ERBIN: variants seen among roughly 807,000 people sequenced by gnomAD.
ERBIN encodes the protein erbb2 interacting protein.
ERBIN carries 60 observed loss-of-function variants against 158.4 expected under a neutral mutation model. The observed-to-expected ratio is 0.38, with a 90% CI of 0.31 to 0.47. ERBIN has a LOEUF of 0.47. Among genes scored for constraint, ERBIN ranks in the 20% least tolerant of loss-of-function variants. The pLI, the probability that ERBIN is intolerant of heterozygous loss-of-function variation, is 0.99. For synonymous variants in ERBIN, 594 were observed against 557.2 expected (o/e 1.07, Z -0.93); for missense variants, 1,610 against 1,648.0 (o/e 0.98, Z 0.40).
Position 66,080,870 on chromosome 5 carries a change from A to G in ERBIN, c.*2340A>G, listed in dbSNP as rs1762355520. ...ATTTTATAGTATTCTTGCAACACAT[A>G]AAGTTGCGTAAGAAACTTTACCAAG... is the stretch of plus-strand genomic sequence containing the variant. On this transcript the variant is annotated 3_prime_UTR_variant, in exon 26 of 26. Transcript: ENST00000284037. 1 of 152,046 alleles carries G rather than the reference A, an allele frequency of 6.6e-6. No homozygotes were observed. Among genetic ancestry groups the G allele is most frequent in the South Asian group, 2.1e-4 (1 of 4,834 alleles). 9.4% of individuals were successfully genotyped at this position (152,046 alleles called of 1,614,324 possible).
intron 21 of ERBIN, 90 bp downstream of exon 21, chr5:66,055,041 T>G: frequency 2.1e-6 from 3 of 1,437,682 alleles, no homozygotes; most frequent in Non-Finnish European, 2.7e-6. Flanking sequence ...AATTACTGAT[T>G]ATCTCTTTAT....
chr5:65,987,146 T>C (rs1430163003), intron 1 of ERBIN, among the ~76,000 whole-genome samples: 2 of 152,162 alleles, frequency 1.3e-5, no homozygotes, highest in Non-Finnish European at 2.9e-5. Context: ...TATAAGTCTT[T>C]GATTTTCACT....
intron 1 of ERBIN, among the ~76,000 whole-genome samples, chr5:65,957,281 G>A (rs1561293917): frequency 6.6e-6 from 1 of 151,506 alleles, no homozygotes; most frequent in Non-Finnish European, 1.5e-5. Context: ...GATTTGGCAG[G>A]GTCACAGGAC....
intron 6 of ERBIN, 122 bp downstream of exon 6, chr5:66,013,760 G>T: frequency 1.7e-6 from 1 of 595,448 alleles, no homozygotes; most frequent in Non-Finnish European, 2.9e-6. Flanking sequence ...TTATTCCCAA[G>T]CATTGTGACT....
intron 4 of ERBIN, among the ~76,000 whole-genome samples, chr5:65,998,041 A>C (rs1196941560): frequency 1.3e-5 from 2 of 151,914 alleles, no homozygotes; most frequent in Non-Finnish European, 2.9e-5. Flanking sequence ...CAGCCTGGCC[A>C]ACGTGGTGAA....
intron 21 of ERBIN, among the ~76,000 whole-genome samples, chr5:66,065,880 A>G (rs1035076870): frequency 2.0e-5 from 3 of 152,152 alleles, no homozygotes; most frequent in Non-Finnish European, 4.4e-5. Context: ...TTTAGGTTAT[A>G]TAATGTTAGA....
intron 1 of ERBIN, among the ~76,000 whole-genome samples, chr5:65,937,866 G>A (rs545115512): frequency 6.6e-6 from 1 of 152,262 alleles, no homozygotes; most frequent in African/African-American, 2.4e-5. Flanking sequence ...CCGAGATCGT[G>A]CCACTGCACC....
intron 1 of ERBIN, among the ~76,000 whole-genome samples, chr5:65,967,263 A>G (rs1748749791): frequency 6.6e-6 from 1 of 152,224 alleles, no homozygotes; most frequent in African/African-American, 2.4e-5. Flanking sequence ...ATAAATTTAC[A>G]TAGCCTAAGT....
At chr5:65,936,190 G>C (rs1157263733) in intron 1 of ERBIN, among the ~76,000 whole-genome samples, 1 of 152,146 alleles carries the variant, frequency 6.6e-6, no homozygotes, top group South Asian at 2.1e-4. Flanking sequence ...GGGTATGTTT[G>C]TAGTAGGACC....
intron 2 of ERBIN, among the ~76,000 whole-genome samples, chr5:65,990,755 T>TA (rs1198105470): frequency 1.2e-4 from 18 of 149,866 alleles, no homozygotes; most frequent in South Asian, 2.1e-4. Context: ...GTAAGTATAG[T>TA]AAAAAAAAAA....
intron 21 of ERBIN, among the ~76,000 whole-genome samples, chr5:66,059,002 A>G (rs1298445423): frequency 4.6e-5 from 7 of 151,792 alleles, no homozygotes; most frequent in African/African-American, 1.7e-4. Context: ...TTGGCTTAGG[A>G]TTGTCTTGGC....
rs748247261 is a variant in ERBIN, at chr5:66,050,922, C to T, written c.2043C>T (p.Cys681=). 1 of 1,605,908 alleles carries T rather than the reference C, an allele frequency of 6.2e-7. No individual in the cohort carries two copies. Among genetic ancestry groups the T allele is most frequent in the Non-Finnish European group, 8.5e-7 (1 of 1,177,812 alleles). The change falls in exon 20 of 26, where the codon TGC becomes TGT. Residue 681 remains cysteine, a synonymous_variant. Coordinates refer to ENST00000284037, the MANE Select transcript of ERBIN (RefSeq NM_001253697.2). The part of the protein sequence containing the change: ...NTDSSQDTSL[C]SPVKQTHIDI... ...ATAGTAGTCAAGACACCTCACTCTG[C>T]TCTCCAGTGAAACAAACTCATATTG...
chr5:65,971,142 G>A lies in ERBIN; in HGVS notation c.-57-17493G>A, dbSNP rs549002291. Among the ~76,000 whole-genome samples, 5 of 151,990 alleles carry A rather than the reference G, an allele frequency of 3.3e-5. No individual in the cohort carries two copies. In the South Asian group the frequency reaches 1.0e-3, roughly 32 times the overall value. On this transcript the variant is annotated intron_variant, in intron 1 of 25. Coordinates refer to ENST00000284037, the MANE Select transcript of ERBIN (RefSeq NM_001253697.2). ...CTTTTTGTGCCCAGGAAGTCTAGTC[G>A]TTTTGATGATAAATCTAAATTGGTT... is the stretch of plus-strand genomic sequence containing the variant.
Position 65,967,802 on chromosome 5 carries a change from T to C in ERBIN, c.-57-20833T>C, listed in dbSNP as rs115219202. ...GAAGAGTCATCAGTATTACCTATCA[T>C]GGGTCTGGGGCTCATCTTGGCTTAG... On this transcript the variant is annotated intron_variant, in intron 1 of 25. Transcript: ENST00000284037. Among the ~76,000 whole-genome samples the C allele has an allele frequency of 1.6e-3, 241 of 152,362 alleles. 1 individual carries two copies. Among genetic ancestry groups the C allele is most frequent in the African/African-American group, 5.6e-3 (232 of 41,588 alleles).
At chr5:65,940,480 C>A (rs1357768664) in intron 1 of ERBIN, among the ~76,000 whole-genome samples, 1 of 128,446 alleles carries the variant, frequency 7.8e-6, no homozygotes, top group Non-Finnish European at 1.7e-5. Flanking sequence ...GGTCAGTCCC[C>A]CCCCCCCCGG....
intron 4 of ERBIN, among the ~76,000 whole-genome samples, chr5:65,996,153 T>G (rs1752406385): frequency 6.6e-6 from 1 of 152,048 alleles, no homozygotes; most frequent in Non-Finnish European, 1.5e-5. Context: ...TGCCTGTGCT[T>G]TTGGGGTCAT....
In ERBIN at chr5:65,972,349, C is replaced by G. The variant is rs1274337253; in HGVS notation, c.-57-16286C>G. Reference sequence around the variant, plus strand: ...CGGTGTCCTTACACTCATTGAGAACCATTGATGTTACGCAAATGCTATTAA... The same window carrying G: ...CGGTGTCCTTACACTCATTGAGAACGATTGATGTTACGCAAATGCTATTAA... On this transcript the variant is annotated intron_variant, in intron 1 of 25. Coordinates refer to ENST00000284037, the MANE Select transcript of ERBIN (RefSeq NM_001253697.2). 2.6e-5 allele frequency among the ~76,000 whole-genome samples: 4 copies of G among 151,574 alleles called. No homozygotes were observed. The East Asian group carries it at 5.8e-4, about 22-fold the overall frequency.
intron 1 of ERBIN, among the ~76,000 whole-genome samples, chr5:65,981,291 A>T (rs1169988025): frequency 6.6e-6 from 1 of 152,236 alleles, no homozygotes; most frequent in Admixed American, 6.5e-5. Context: ...TTATTAAAGT[A>T]GTACTCAGAT....
At chr5:66,011,263 G>A (rs1754165630) in intron 4 of ERBIN, among the ~76,000 whole-genome samples, 1 of 152,196 alleles carries the variant, frequency 6.6e-6, no homozygotes, top group South Asian at 2.1e-4. Flanking sequence ...ATCTTAGGGT[G>A]GACAGTGCTG....
Sources: gnomAD v4.1 joint callset for allele counts (sites outside exome capture counted in the v4.1 genomes callset) on GRCh38, gnomAD v4.1.1 for gene constraint, MANE v1.5 for transcripts, NCBI Gene and HGNC (gene_info 2026-07-23, HGNC 2026-07-21) for gene names.